The following MGA variants were observed in gnomAD, a reference collection of about 807,000 sequenced individuals.
MGA encodes the protein MAX gene-associated protein.
MGA carries 40 observed loss-of-function variants against 261.1 expected under a neutral mutation model. The ratio of observed to expected loss-of-function variants is 0.15; its 90% CI spans 0.12 to 0.20. The LOEUF (loss-of-function observed/expected upper bound fraction) is 0.20. Among genes scored for constraint, MGA ranks in the 10% least tolerant of loss-of-function variants. MGA has a pLI of 1.00. For synonymous variants in MGA, 1,302 were observed against 1,290.6 expected, an observed-to-expected ratio of 1.01 and a Z score of -0.19; for missense variants, 3,397 against 3,630.5, an observed-to-expected ratio of 0.94 and a Z score of 1.65.
intron 1 of MGA, among the ~76,000 whole-genome samples, chr15:41,640,124 G>A (rs1291273357): frequency 6.6e-6 from 1 of 152,180 alleles, no homozygotes; most frequent in Non-Finnish European, 1.5e-5. Context: ...GATTTCAATA[G>A]GAGGAGATTA....
intron 7 of MGA, among the ~76,000 whole-genome samples, chr15:41,708,555 G>A (rs1209294987): frequency 6.6e-6 from 1 of 152,166 alleles, no homozygotes; most frequent in African/African-American, 2.4e-5. Context: ...CTGACCTCAG[G>A]TGATCCGTCC....
At chr15:41,739,417 T>G (rs186179000) in intron 13 of MGA, among the ~76,000 whole-genome samples, 1 of 152,212 alleles carries the variant, frequency 6.6e-6, no homozygotes, top group East Asian at 1.9e-4. Context: ...AATGATTGTC[T>G]TATAACTTAA....
intron 2 of MGA, among the ~76,000 whole-genome samples, chr15:41,676,468 T>G (rs1400675775): frequency 3.3e-5 from 5 of 152,246 alleles, no homozygotes. Flanking sequence ...TTGATATATT[T>G]AAAACAAGAA....
chr15:41,755,118 C>T (rs1443715283), intron 18 of MGA, among the ~76,000 whole-genome samples: 1 of 152,138 alleles, frequency 6.6e-6, no homozygotes, highest in Non-Finnish European at 1.5e-5. Flanking sequence ...GGAATGATGA[C>T]TTGCTCAGGA....
chr15:41,669,044 G>C lies in MGA; in HGVS notation c.150G>C (p.Leu50Phe). The C allele has an allele frequency of 1.9e-6, 3 of 1,613,112 alleles. No homozygotes were observed. The highest frequency in any genetic ancestry group is 2.5e-6 in the Non-Finnish European group (3 of 1,179,184). Residue 50 changes from leucine to phenylalanine, a missense_variant, in exon 2 of 24, where the codon TTG becomes TTC. Leu to Phe is a conservative substitution (Grantham distance 22, BLOSUM62 0). Transcript: ENST00000219905. ...TTACTAATCAGGATGCCTGTGCTTTGGCTAGTAGTGTGTCATCACCAGTAA... is the reference window on the plus strand; with the variant it reads ...TTACTAATCAGGATGCCTGTGCTTTCGCTAGTAGTGTGTCATCACCAGTAA...
intron 2 of MGA, among the ~76,000 whole-genome samples, chr15:41,680,643 C>G (rs1022720958): frequency 6.6e-6 from 1 of 152,166 alleles, no homozygotes; most frequent in Non-Finnish European, 1.5e-5. Flanking sequence ...GTAAAGAATA[C>G]AAGTTAGGAC....
At chr15:41,670,767 A>G (rs1336826674) in intron 2 of MGA, among the ~76,000 whole-genome samples, 2 of 152,178 alleles carry the variant, frequency 1.3e-5, no homozygotes, top group Non-Finnish European at 2.9e-5. Context: ...CGGCCTCCCA[A>G]GGTGCTGGGA....
intron 2 of MGA, among the ~76,000 whole-genome samples, chr15:41,683,012 A>G (rs2058755673): frequency 6.6e-6 from 1 of 152,132 alleles, no homozygotes. Context: ...TCTGCTTCTC[A>G]AACTTTATAA....
chr15:41,721,925 C>T (rs921979004), intron 9 of MGA, among the ~76,000 whole-genome samples: 6 of 151,890 alleles, frequency 4.0e-5, no homozygotes, highest in African/African-American at 1.5e-4. Context: ...GAAAACAACC[C>T]CAAATGTCTA....
intron 2 of MGA, among the ~76,000 whole-genome samples, chr15:41,688,720 C>A (rs185883476): frequency 1.2e-5 from 1 of 80,504 alleles, no homozygotes; most frequent in African/African-American, 2.9e-5. Flanking sequence ...ATAAAAATTA[C>A]CTCTTTGTAA....
Position 41,750,609 on chromosome 15 carries a change from A to G in MGA, c.7002A>G (p.Val2334=). 3 of 1,603,562 alleles carry G rather than the reference A, an allele frequency of 1.9e-6. No homozygotes were observed. Among genetic ancestry groups the G allele is most frequent in the Non-Finnish European group, 2.6e-6 (3 of 1,175,386 alleles). ...ACCAGAGTGAGGAGGTTGATGATGTAGAAAAGGTGGTGAGCCCATTTTTGT... is the reference window on the plus strand; with the variant it reads ...ACCAGAGTGAGGAGGTTGATGATGTGGAAAAGGTGGTGAGCCCATTTTTGT... Residue 2334 remains valine, a synonymous_variant, in exon 17 of 24, where the codon GTA becomes GTG. Transcript: ENST00000219905.
chr15:41,622,046 T>C (rs980947325), intron 1 of MGA, among the ~76,000 whole-genome samples: 1 of 41,784 alleles, frequency 2.4e-5, no homozygotes, highest in Admixed American at 2.5e-4. Context: ...AGGGGGAGGG[T>C]GGGGGGCGTG....
At chr15:41,650,789 G>A (rs1386072136) in intron 1 of MGA, among the ~76,000 whole-genome samples, 1 of 152,076 alleles carries the variant, frequency 6.6e-6, no homozygotes, top group Non-Finnish European at 1.5e-5. Flanking sequence ...GTGCAGAGTA[G>A]GGATCTAAAT....
At chr15:41,730,487 A>G (rs867414362) in intron 11 of MGA, among the ~76,000 whole-genome samples, 11 of 152,206 alleles carry the variant, frequency 7.2e-5, no homozygotes, top group Middle Eastern at 3.4e-3. Flanking sequence ...AAGAAAGTTA[A>G]CTCAATAATA....
chr15:41,650,883 A>G (rs1207821908), intron 1 of MGA, among the ~76,000 whole-genome samples: 1 of 152,216 alleles, frequency 6.6e-6, no homozygotes, highest in African/African-American at 2.4e-5. Flanking sequence ...CCCATTTCCA[A>G]GTAACCTAGG....
chr15:41,692,965 T>C (rs1298850833), intron 2 of MGA, among the ~76,000 whole-genome samples: 3 of 152,130 alleles, frequency 2.0e-5, no homozygotes, highest in East Asian at 1.9e-4. Context: ...CCCAAAGTGC[T>C]AGGATTATAG....
At chr15:41,713,980 T>G (rs144562071) in intron 9 of MGA, among the ~76,000 whole-genome samples, 245 of 150,234 alleles carry the variant, frequency 1.6e-3, no homozygotes, top group African/African-American at 5.3e-3. Context: ...GAAAATTGGG[T>G]TTTTTTTTGG....
At chr15:41,747,776 T>A in intron 15 of MGA, among the ~76,000 whole-genome samples, 1 of 152,226 alleles carries the variant, frequency 6.6e-6, no homozygotes, top group Non-Finnish European at 1.5e-5. Context: ...AACCATGTTT[T>A]TCTTTAGGCA....
At chr15:41,730,290 T>C (rs953786380) in intron 11 of MGA, among the ~76,000 whole-genome samples, 7 of 152,022 alleles carry the variant, frequency 4.6e-5, no homozygotes, top group Admixed American at 2.0e-4. Context: ...ACACAAAAAA[T>C]TAGCCGGGTG....
Sources: allele counts gnomAD v4.1 joint callset (sites outside exome capture counted in the v4.1 genomes callset), GRCh38; gene constraint gnomAD v4.1.1; transcripts MANE v1.5; gene names NCBI Gene and HGNC (gene_info 2026-07-23, HGNC 2026-07-21).